KCNN2: variants seen among roughly 807,000 people sequenced by gnomAD.
The protein encoded by KCNN2 is potassium calcium-activated channel subfamily N member 2.
In KCNN2, 24 loss-of-function variants were observed where a neutral mutation model predicts 55.5. That is an observed-to-expected ratio of 0.43 (90% CI 0.31 to 0.61). The LOEUF is 0.61. Among genes scored for constraint, KCNN2 ranks in the 20% least tolerant of loss-of-function variants. The pLI, the probability that KCNN2 is intolerant of heterozygous loss-of-function variation, is 0.08. For missense variants in KCNN2, 754 were observed against 853.6 expected (o/e 0.88, Z 1.45); for synonymous variants, 431 against 336.1 (o/e 1.28, Z -3.09).
At chr5:114,263,666 T>G (rs771813834) in intron 2 of KCNN2, among the ~76,000 whole-genome samples, 14 of 152,148 alleles carry the variant, frequency 9.2e-5, no homozygotes, top group Admixed American at 4.6e-4. Context: ...TTTTATAAAA[T>G]ATAGAAAATT....
chr5:114,267,101 T>A (rs567991755), intron 2 of KCNN2, among the ~76,000 whole-genome samples: 1 of 151,094 alleles, frequency 6.6e-6, no homozygotes, highest in African/African-American at 2.4e-5. Flanking sequence ...GTTCAAGCGA[T>A]TCTCCTGCCT....
At chr5:114,246,748 A>T (rs973427011) in intron 2 of KCNN2, among the ~76,000 whole-genome samples, 1 of 152,166 alleles carries the variant, frequency 6.6e-6, no homozygotes, top group Non-Finnish European at 1.5e-5. Flanking sequence ...TCAAATGAAT[A>T]AGACAATATT....
In KCNN2 at chr5:114,168,097, T is replaced by C. The variant is rs1269693287; in HGVS notation, c.-270-53383T>C. Among the ~76,000 whole-genome samples the C allele has an allele frequency of 2.0e-5, 3 of 152,012 alleles. No individual in the cohort carries two copies. The Middle Eastern group carries it at 0.01, about 517-fold the overall frequency. On this transcript the variant is annotated intron_variant, in intron 1 of 10. Coordinates refer to the KCNN2 transcript ENST00000512097. ...TGATGGGCTTTTGTGTTGTTTCTAG[T>C]TTTTTTAAGTTTTAAATATATGTAG...
upstream of KCNN2, among the ~76,000 whole-genome samples, chr5:114,359,220 G>A (rs761393809): frequency 6.6e-6 from 1 of 152,128 alleles, no homozygotes; most frequent in Non-Finnish European, 1.5e-5. Context: ...AGTAGTATTA[G>A]TCTGAGTTTT....
intron 3 of KCNN2, among the ~76,000 whole-genome samples, chr5:114,420,505 A>G (rs1306138875): frequency 6.6e-6 from 1 of 152,210 alleles, no homozygotes; most frequent in Non-Finnish European, 1.5e-5. Flanking sequence ...CCAGCAAAAG[A>G]TTAAAATAAT....
chr5:114,268,860 C>G (rs1354386756), intron 2 of KCNN2, among the ~76,000 whole-genome samples: 1 of 151,670 alleles, frequency 6.6e-6, no homozygotes, highest in African/African-American at 2.4e-5. Context: ...ACAAAAAGAG[C>G]TATTTTGGTT....
chr5:114,393,685 G>A (rs1033845708), intron 2 of KCNN2, among the ~76,000 whole-genome samples: 1 of 151,442 alleles, frequency 6.6e-6, no homozygotes, highest in African/African-American at 2.4e-5. Context: ...ATTAATTTCT[G>A]GAGTATTCTT....
At chr5:114,456,319 TG>T (rs1760925928) in intron 3 of KCNN2, among the ~76,000 whole-genome samples, 1 of 152,224 alleles carries the variant, frequency 6.6e-6, no homozygotes, top group East Asian at 1.9e-4. Context: ...CAACAAAGCC[TG>T]GATGACAGCA....
intron 6 of KCNN2, among the ~76,000 whole-genome samples, chr5:114,490,044 T>C (rs752606012): frequency 1.3e-5 from 2 of 152,184 alleles, no homozygotes; most frequent in Non-Finnish European, 2.9e-5. Flanking sequence ...GCCTGTGCCC[T>C]CTTTTCAGTA....
intron 1 of KCNN2, among the ~76,000 whole-genome samples, chr5:114,085,643 G>A (rs1561469045): frequency 6.6e-6 from 1 of 151,940 alleles, no homozygotes; most frequent in Non-Finnish European, 1.5e-5. Context: ...AATTTATTGA[G>A]ACATGTTGAT....
At chr5:114,087,588 G>C (rs988483243) in intron 1 of KCNN2, among the ~76,000 whole-genome samples, 1 of 151,932 alleles carries the variant, frequency 6.6e-6, no homozygotes, top group African/African-American at 2.4e-5. Context: ...GATGGCTGTA[G>C]GTGTCATAGT....
intron 1 of KCNN2, among the ~76,000 whole-genome samples, chr5:114,142,351 G>A: frequency 6.6e-6 from 1 of 151,966 alleles, no homozygotes; most frequent in Non-Finnish European, 1.5e-5. Context: ...TCTACATATG[G>A]CTAGCCAGTT....
Position 114,362,943 on chromosome 5 carries a change from C to CGCCGCT in KCNN2, c.806_811dup (p.Ala269_Ala270dup). Reference sequence around the variant, plus strand: ...CCCCGTCTGCAGCCGCTGCCGCCGCCGCCGCTGTTTCGTCCTCAGCCCCCG... The same window carrying CGCCGCT: ...CCCCGTCTGCAGCCGCTGCCGCCGCCGCCGCTGCCGCTGTTTCGTCCTCAGCCCCCG... On this transcript the variant is annotated inframe_insertion, in exon 1 of 8. Transcript: ENST00000673685. The CGCCGCT allele has an allele frequency of 6.3e-7, 1 of 1,587,792 alleles. No individual in the cohort carries two copies. The highest frequency in any genetic ancestry group is 8.5e-7 in the Non-Finnish European group (1 of 1,174,184).
intron 3 of KCNN2, among the ~76,000 whole-genome samples, chr5:114,451,676 T>C (rs894430704): frequency 1.4e-4 from 21 of 151,946 alleles, no homozygotes; most frequent in South Asian, 4.1e-4. Flanking sequence ...GCGGGCGGAT[T>C]ATGAGGTCAG....
intron 3 of KCNN2, among the ~76,000 whole-genome samples, chr5:114,442,788 A>ATT (rs1186673351): frequency 5.3e-5 from 8 of 152,160 alleles, no homozygotes; most frequent in Non-Finnish European, 1.2e-4. Context: ...GGTGTATAAA[A>ATT]TTAAGTCTCA....
intron 4 of KCNN2, among the ~76,000 whole-genome samples, chr5:114,465,933 C>T (rs771608203): frequency 1.9e-4 from 29 of 152,266 alleles, no homozygotes; most frequent in Admixed American, 2.6e-4. Flanking sequence ...AGTCAGGCTA[C>T]GGGGCAGTCT....
intron 1 of KCNN2, among the ~76,000 whole-genome samples, chr5:114,210,129 G>A (rs1215175096): frequency 6.6e-6 from 1 of 152,058 alleles, no homozygotes; most frequent in African/African-American, 2.4e-5. Context: ...TGTGCTTTTT[G>A]TTGGTGATTT....
chr5:114,190,161 G>A (rs996383679), intron 1 of KCNN2, among the ~76,000 whole-genome samples: 1 of 151,836 alleles, frequency 6.6e-6, no homozygotes, highest in Admixed American at 6.6e-5. Flanking sequence ...TAATCACTTC[G>A]ACATATCAAG....
intron 5 of KCNN2, among the ~76,000 whole-genome samples, chr5:114,484,093 T>C (rs1762348003): frequency 6.6e-6 from 1 of 152,144 alleles, no homozygotes; most frequent in South Asian, 2.1e-4. Context: ...AGAAGAAGTT[T>C]TTATGTATAA....
Sources: gnomAD v4.1 joint callset for allele counts (sites outside exome capture counted in the v4.1 genomes callset) on GRCh38, gnomAD v4.1.1 for gene constraint, MANE v1.5 for transcripts, NCBI Gene and HGNC (gene_info 2026-07-23, HGNC 2026-07-21) for gene names.